Variants in IQGAP1 observed in about 807,000 individuals in gnomAD.
The protein encoded by IQGAP1 is IQ motif containing GTPase activating protein 1.
In IQGAP1, 66 loss-of-function variants were observed where a neutral mutation model predicts 215.6. The observed-to-expected ratio is 0.31, with a 90% confidence interval of 0.25 to 0.38. The LOEUF (loss-of-function observed/expected upper bound fraction) is 0.38, where lower values mean the gene tolerates loss of function less well. IQGAP1 is among the 10% of genes least tolerant of loss of function. IQGAP1 has a pLI of 1.00. For synonymous variants in IQGAP1, 772 were observed against 728.7 expected (o/e 1.06, Z -0.96); for missense variants, 1,712 against 1,997.1 (o/e 0.86, Z 2.72).
At chr15:90,448,422 C>G (rs1157061399) in intron 9 of IQGAP1, 151 bp from the exon 10 acceptor site, 7 of 652,034 alleles carry the variant, frequency 1.1e-5, no homozygotes, top group Admixed American at 7.7e-5. Context: ...TTTTCCAATC[C>G]CAAGATCTTA....
chr15:90,405,742 G>GTTT (rs34327123), intron 2 of IQGAP1, among the ~76,000 whole-genome samples: 1 of 142,446 alleles, frequency 7.0e-6, no homozygotes, highest in African/African-American at 2.6e-5. Context: ...AGTGTTCCAG[G>GTTT]TTTTTTTTTT....
In IQGAP1 at chr15:90,484,319, C is replaced by T; in HGVS notation, c.3888C>T (p.Tyr1296=). The T allele has an allele frequency of 3.7e-6, 6 of 1,612,200 alleles. No homozygotes were observed. The highest frequency in any genetic ancestry group is 2.2e-5 in the East Asian group (1 of 44,840). Residue 1296 remains tyrosine (Y), a synonymous_variant, in exon 30 of 38, where the codon TAC becomes TAT. Transcript: ENST00000268182. The stretch of plus-strand genomic sequence containing the variant: ...TAACCCTCACCAAACCAGTAATCTA[C>T]ATTTCCATTGGTGAAATCATCAACA... ...DLVTLTKPVI[Y]ISIGEIINTH... is the part of the protein sequence containing the mutation.
At position 90,474,612 on chromosome 15, in the gene IQGAP1, T is replaced by C; in HGVS notation, c.2703T>C (p.Arg901=). The C allele has an allele frequency of 6.2e-7, 1 of 1,614,070 alleles. No individual in the cohort carries two copies. Among genetic ancestry groups the C allele is most frequent in the Non-Finnish European group, 8.5e-7 (1 of 1,179,904 alleles). Reference sequence around the variant, plus strand: ...GGGAAGAGGTTATCACCCTCATTCGTTCTAACCAGCAGCTGGAGAATGACC... The same window carrying C: ...GGGAAGAGGTTATCACCCTCATTCGCTCTAACCAGCAGCTGGAGAATGACC... ...KMREEVITLI[R]SNQQLENDLN... is the part of the protein sequence containing the mutation. The change falls in exon 23 of 38, where the codon CGT becomes CGC. Residue 901 remains arginine (R), a synonymous_variant. Coordinates refer to ENST00000268182, the MANE Select transcript of IQGAP1 (RefSeq NM_003870.4).
intron 9 of IQGAP1, among the ~76,000 whole-genome samples, chr15:90,447,327 C>A (rs145993860): frequency 6.6e-6 from 1 of 152,290 alleles, no homozygotes; most frequent in Non-Finnish European, 1.5e-5. Flanking sequence ...ATGTTTTAAC[C>A]TTTTCTTCCG....
rs201447382 is a variant in IQGAP1 at position 90,439,406 on chromosome 15, A to G, written c.535+7A>G. 4 of 1,608,910 alleles carry G rather than the reference A, an allele frequency of 2.5e-6. No homozygotes were observed. The Admixed American group carries it at 6.7e-5, about 27-fold the overall frequency. On this transcript the variant is annotated splice_region_variant and intron_variant, in intron 6 of 37. Transcript: ENST00000268182. ...GGAAAGGTTGACTTCACAGGTAAGG[A>G]GTTAGATACTTGGCAGGAAATGCTT... is the stretch of plus-strand genomic sequence containing the variant.
At chr15:90,428,780 A>G (rs1236882699) in intron 3 of IQGAP1, among the ~76,000 whole-genome samples, 1 of 152,172 alleles carries the variant, frequency 6.6e-6, no homozygotes, top group Admixed American at 6.5e-5. Flanking sequence ...CTGGACAACA[A>G]AGTGGAGCCC....
intron 1 of IQGAP1, among the ~76,000 whole-genome samples, 183 bp from the exon 2 acceptor site, chr15:90,390,591 A>G (rs1964621758): frequency 1.3e-5 from 2 of 152,230 alleles, no homozygotes; most frequent in African/African-American, 4.8e-5. Context: ...GGTCAAGATG[A>G]TTATAGTTGA....
intron 9 of IQGAP1, 106 bp downstream of exon 9, chr15:90,443,584 T>G (rs1195387868): frequency 1.5e-5 from 10 of 648,868 alleles, no homozygotes; most frequent in Non-Finnish European, 2.7e-5. Context: ...ACTTTAGACA[T>G]TCGTGGATTT....
chr15:90,399,224 TA>T (rs1204248864), intron 2 of IQGAP1, among the ~76,000 whole-genome samples: 1 of 152,030 alleles, frequency 6.6e-6, no homozygotes, highest in Non-Finnish European at 1.5e-5. Flanking sequence ...AGTGCTGGGA[TA>T]CAGGCGTGAG....
chr15:90,466,991 C>A (rs1204212235), intron 17 of IQGAP1, among the ~76,000 whole-genome samples: 2 of 152,026 alleles, frequency 1.3e-5, no homozygotes, highest in Non-Finnish European at 2.9e-5. Context: ...ACCCGGGAGG[C>A]TGGGGCCGGA....
At chr15:90,425,299 G>C (rs1447968486) in intron 2 of IQGAP1, among the ~76,000 whole-genome samples, 1 of 151,840 alleles carries the variant, frequency 6.6e-6, no homozygotes, top group Non-Finnish European at 1.5e-5. Context: ...AATAGAGTGA[G>C]ACTTTGTCTC....
At chr15:90,390,370 C>A (rs1024669873) in intron 1 of IQGAP1, among the ~76,000 whole-genome samples, 2 of 152,216 alleles carry the variant, frequency 1.3e-5, no homozygotes, top group East Asian at 3.9e-4. Context: ...TGAGAGAATG[C>A]GTGTAAAATG....
intron 36 of IQGAP1, 95 bp from the exon 37 acceptor site, chr15:90,497,137 T>C (rs974935518): frequency 4.4e-6 from 3 of 678,172 alleles, no homozygotes; most frequent in Non-Finnish European, 5.1e-6. Context: ...CCCTTTTCAC[T>C]CTTGAAGACT....
At chr15:90,396,971 C>A (rs1327702330) in intron 2 of IQGAP1, among the ~76,000 whole-genome samples, 1 of 151,976 alleles carries the variant, frequency 6.6e-6, no homozygotes, top group Non-Finnish European at 1.5e-5. Context: ...TCCTTCCTCA[C>A]CCTCCCGAGT....
intron 2 of IQGAP1, among the ~76,000 whole-genome samples, chr15:90,404,329 A>AT (rs1567114902): frequency 6.6e-6 from 1 of 152,138 alleles, no homozygotes; most frequent in Non-Finnish European, 1.5e-5. Context: ...AGTATTACAG[A>AT]TTTTTTACAT....
chr15:90,477,922 G>A (rs1966003187), intron 26 of IQGAP1, 33 bp downstream of exon 26: 1 of 1,331,702 alleles, frequency 7.5e-7, no homozygotes, highest in South Asian at 1.2e-5. Flanking sequence ...TTTCTTTCAT[G>A]TTGTTATAGT....
At position 90,426,120 on chromosome 15, in the gene IQGAP1, G is replaced by C; in HGVS notation, c.166G>C (p.Ala56Pro). The C allele has an allele frequency of 6.2e-7, 1 of 1,605,796 alleles. No homozygotes were observed. The highest frequency in any genetic ancestry group is 8.5e-7 in the Non-Finnish European group (1 of 1,176,702). Residue 56 changes from alanine (A) to proline (P), a missense_variant, in exon 3 of 38, where the codon GCA becomes CCA. This residue lies in a region of IQGAP1 where 1,021 missense variants were observed against 1,074.2 expected (regional missense o/e 0.95). Transcript: ENST00000268182. Reference sequence around the variant, plus strand: ...TCTCCTTTGGTGCAGGTGGATGGAAGCATGCCTAGGGGAAGATCTGCCTCC... The same window carrying C: ...TCTCCTTTGGTGCAGGTGGATGGAACCATGCCTAGGGGAAGATCTGCCTCC... Reference protein sequence around the residue: ...HLEEAKRWMEACLGEDLPPTT... With the variant: ...HLEEAKRWMEPCLGEDLPPTT...
At chr15:90,449,738 G>A (rs1166667018) in intron 11 of IQGAP1, 95 bp downstream of exon 11, 1 of 1,008,664 alleles carries the variant, frequency 9.9e-7, no homozygotes, top group African/African-American at 1.6e-5. Context: ...CACCCACTCT[G>A]AGCCTACTAG....
chr15:90,403,685 G>GT, intron 2 of IQGAP1, among the ~76,000 whole-genome samples: 1 of 152,198 alleles, frequency 6.6e-6, no homozygotes, highest in East Asian at 1.9e-4. Flanking sequence ...TTTTGTTGTT[G>GT]TTTTTTGAGA....
Sources: gnomAD v4.1 joint callset for allele counts (sites outside exome capture counted in the v4.1 genomes callset) on GRCh38, gnomAD v4.1.1 for gene constraint, gnomAD v4.1.1 regional missense constraint, MANE v1.5 for transcripts, NCBI Gene and HGNC (gene_info 2026-07-23, HGNC 2026-07-21) for gene names.